NOL10: variants seen among roughly 807,000 people sequenced by gnomAD.
NOL10 encodes the protein nucleolar protein 10, also known as H_NH0074G24.1.
Under a neutral mutation model 103.5 loss-of-function variants are expected in NOL10, and 58 were observed. The observed-to-expected ratio is 0.56, with a 90% CI of 0.45 to 0.70. The LOEUF (loss-of-function observed/expected upper bound fraction) is 0.70, where lower values mean the gene tolerates loss of function less well. Ranked by LOEUF, NOL10 falls within the 30% of genes least tolerant of loss-of-function variation. NOL10 has a pLI of 0.00. For synonymous variants in NOL10, 287 were observed against 282.5 expected (o/e 1.02, Z -0.16); for missense variants, 763 against 807.3 (o/e 0.95, Z 0.67).
At chr2:10,648,379 T>G (rs1291820463) in intron 12 of NOL10, among the ~76,000 whole-genome samples, 1 of 151,904 alleles carries the variant, frequency 6.6e-6, no homozygotes, top group Non-Finnish European at 1.5e-5. Context: ...AAAAGCGGAG[T>G]GCAATCATCC....
intron 20 of NOL10, among the ~76,000 whole-genome samples, chr2:10,573,316 C>T (rs968084338): frequency 1.3e-5 from 2 of 152,120 alleles, no homozygotes; most frequent in African/African-American, 2.4e-5. Context: ...GCCTCAGCCT[C>T]CAGAGTAGCT....
chr2:10,666,370 G>A (rs1009967300), intron 8 of NOL10, among the ~76,000 whole-genome samples: 1 of 150,354 alleles, frequency 6.7e-6, no homozygotes, highest in African/African-American at 2.4e-5. Flanking sequence ...TTTTTGAGAC[G>A]GAGTCTCGCT....
In NOL10 at chr2:10,650,656, G is replaced by A. The variant is rs1409234928; in HGVS notation, c.973+3825C>T. Among the ~76,000 whole-genome samples, 3 of 152,218 alleles carry A rather than the reference G, an allele frequency of 2.0e-5. No individual in the cohort carries two copies. In the East Asian group the frequency reaches 5.8e-4, roughly 29 times the overall value. On this transcript the variant is annotated intron_variant, in intron 12 of 20. Transcript: ENST00000381685. Reference sequence around the variant, plus strand: ...TATCTGTAGCCTCAGCTACTCAGGAGGCCTAGGCAGGATCGCTCGAGCCCA... The same window carrying A: ...TATCTGTAGCCTCAGCTACTCAGGAAGCCTAGGCAGGATCGCTCGAGCCCA...
At chr2:10,592,306 G>A (rs1675431326) in intron 17 of NOL10, among the ~76,000 whole-genome samples, 1 of 152,204 alleles carries the variant, frequency 6.6e-6, no homozygotes, top group African/African-American at 2.4e-5. Flanking sequence ...TAAGCAACCA[G>A]AAAGCTGGCG....
At chr2:10,585,308 C>T (rs1461670048) in intron 19 of NOL10, among the ~76,000 whole-genome samples, 4 of 152,208 alleles carry the variant, frequency 2.6e-5, no homozygotes, top group Non-Finnish European at 5.9e-5. Context: ...CTACACATAA[C>T]AGCTGTATAA....
At chr2:10,646,240 C>G (rs1237426829) in intron 12 of NOL10, among the ~76,000 whole-genome samples, 1 of 152,140 alleles carries the variant, frequency 6.6e-6, no homozygotes, top group Non-Finnish European at 1.5e-5. Flanking sequence ...GTTCTGGAGA[C>G]AGAAGCCACA....
rs527911802 is a variant in NOL10 at position 10,602,858 on chromosome 2, T to C, written c.1250A>G (p.Asn417Ser). ...CCTATATTCTTCATAAGCAAATGGATTTACCATCAGTTTCACCTTTTCAAA... is the reference window on the plus strand; with the variant it reads ...CCTATATTCTTCATAAGCAAATGGACTTACCATCAGTTTCACCTTTTCAAA... ...RLYHKVKLMV[N>S]PFAYEEYRKD... Residue 417 changes from asparagine (N) to serine (S), a missense_variant, in exon 16 of 21, where the codon AAT (asparagine) becomes AGT (serine). Asn to Ser is a conservative substitution (Grantham distance 46). Transcript: ENST00000381685. The C allele has an allele frequency of 3.7e-6, 6 of 1,603,698 alleles. No homozygotes were observed. In the African/African-American group the frequency reaches 4.0e-5, roughly 11 times the overall value.
intron 20 of NOL10, among the ~76,000 whole-genome samples, chr2:10,576,458 C>T (rs915812926): frequency 1.3e-5 from 2 of 152,142 alleles, no homozygotes; most frequent in Admixed American, 6.6e-5. Flanking sequence ...GAACACAACC[C>T]GTGTCCCTTA....
chr2:10,586,708 G>A (rs910876385), intron 19 of NOL10, among the ~76,000 whole-genome samples: 1 of 151,870 alleles, frequency 6.6e-6, no homozygotes, highest in Non-Finnish European at 1.5e-5. Flanking sequence ...AAGACAACAA[G>A]GATGAAGACC....
At chr2:10,663,963 A>G (rs1335311739) in intron 8 of NOL10, among the ~76,000 whole-genome samples, 4 of 151,862 alleles carry the variant, frequency 2.6e-5, no homozygotes, top group Non-Finnish European at 5.9e-5. Context: ...AAAAAAAAAA[A>G]AATACAAAAT....
chr2:10,637,188 C>CAAAAAAAAAAA (rs61693251), intron 13 of NOL10, among the ~76,000 whole-genome samples: 6 of 44,532 alleles, frequency 1.3e-4, no homozygotes, highest in African/African-American at 2.6e-4. Context: ...GACACTGTCT[C>CAAAAAAAAAAA]AAAAAAAAAA....
At chr2:10,633,980 C>T (rs1375991921) in intron 13 of NOL10, among the ~76,000 whole-genome samples, 1 of 152,044 alleles carries the variant, frequency 6.6e-6, no homozygotes, top group Non-Finnish European at 1.5e-5. Context: ...ACACATGTCA[C>T]CACACCTGGT....
intron 12 of NOL10, among the ~76,000 whole-genome samples, chr2:10,648,549 T>TA (rs1165727351): frequency 2.0e-5 from 3 of 152,212 alleles, no homozygotes; most frequent in Non-Finnish European, 4.4e-5. Context: ...ACATCATGCT[T>TA]AAAGTTGCTG....
rs1222812114 is a variant in NOL10, at chr2:10,644,373, C to A, written c.974-1G>T. On this transcript the variant is annotated splice_acceptor_variant, in intron 12 of 20. Transcript: ENST00000381685. LOFTEE classifies it high-confidence loss of function. ...GTTTCATTGGCCGTCAGAAGCATGCCTAAAAATAAATACAATGAAAAAGGT... is the reference window on the plus strand; with the variant it reads ...GTTTCATTGGCCGTCAGAAGCATGCATAAAAATAAATACAATGAAAAAGGT... 6.5e-7 allele frequency: 1 copy of A among 1,532,256 alleles called. No homozygotes were observed. The highest frequency in any genetic ancestry group is 8.8e-7 in the Non-Finnish European group (1 of 1,140,486). 94.9% of individuals were successfully genotyped at this position (1,532,256 alleles called of 1,614,324 possible).
intron 12 of NOL10, among the ~76,000 whole-genome samples, chr2:10,650,695 G>T (rs972629248): frequency 6.6e-6 from 1 of 152,090 alleles, no homozygotes; most frequent in Non-Finnish European, 1.5e-5. Flanking sequence ...GTTCAAGGCT[G>T]CAGTGAGCTA....
chr2:10,622,343 C>T (rs1054425831), intron 13 of NOL10, among the ~76,000 whole-genome samples: 3 of 152,166 alleles, frequency 2.0e-5, no homozygotes, highest in Admixed American at 6.5e-5. Context: ...CCCCATGCCA[C>T]GCTGTGTGTG....
intron 10 of NOL10, among the ~76,000 whole-genome samples, chr2:10,658,651 G>A (rs1679997945): frequency 6.6e-6 from 1 of 152,032 alleles, no homozygotes; most frequent in Non-Finnish European, 1.5e-5. Flanking sequence ...GAATTCCTGA[G>A]AGCCTTCATT....
intron 13 of NOL10, among the ~76,000 whole-genome samples, chr2:10,638,517 A>G (rs1399724721): frequency 2.0e-5 from 2 of 100,206 alleles, no homozygotes; most frequent in Non-Finnish European, 3.7e-5. Flanking sequence ...TTTGAGATAG[A>G]GTCTCACCCT....
Position 10,667,376 on chromosome 2 carries a change from T to C in NOL10, c.531-98A>G. The C allele has an allele frequency of 3.5e-6, 3 of 851,442 alleles. No individual in the cohort carries two copies. In the Admixed American group the frequency reaches 6.2e-5, roughly 18 times the overall value. The allele number at this position is 851,442 out of a possible 1,614,324, so 52.7% of individuals were successfully genotyped here. A position where few individuals can be genotyped will look rare whatever the true frequency, so the allele number is the denominator to read the frequency against. On this transcript the variant is annotated intron_variant, in intron 7 of 20. Transcript: ENST00000381685. ...ATAAACAGTCAACCCAAATTCTGAG[T>C]AGAAAGAAGACACACAGATTCTCTC...
Sources: gnomAD v4.1 joint callset for allele counts (sites outside exome capture counted in the v4.1 genomes callset) on GRCh38, gnomAD v4.1.1 for gene constraint, MANE v1.5 for transcripts, NCBI Gene and HGNC (gene_info 2026-07-23, HGNC 2026-07-21) for gene names.